The following DYNC2H1 variants were observed in gnomAD, a reference collection of about 807,000 sequenced individuals.
DYNC2H1 encodes dynein cytoplasmic 2 heavy chain 1, also known as cytoplasmic dynein 2 heavy chain 1.
A neutral mutation model predicts 570.0 loss-of-function variants in DYNC2H1; 410 were observed. The observed-to-expected ratio is 0.72, with a 90% CI of 0.66 to 0.78. DYNC2H1 has a LOEUF of 0.78. DYNC2H1 is among the 30% of genes least tolerant of loss of function. The probability of loss-of-function intolerance (pLI) is 0.00; values close to 1 mark genes in which losing one functional copy is unlikely to be tolerated. For synonymous variants in DYNC2H1, 1,688 were observed against 1,677.6 expected (o/e 1.01, Z -0.15); for missense variants, 4,865 against 5,046.4 (o/e 0.96, Z 1.09).
chr11:103,205,155 A>G lies in DYNC2H1; in HGVS notation c.8454+191A>G, dbSNP rs1373563422. ...TAGTTGAATGTAGAATTTTAGATTG[A>G]GGATCATGTTCTTAATTAAGGACCC... On this transcript the variant is annotated intron_variant, in intron 52 of 88. Coordinates refer to ENST00000375735, the MANE Select transcript of DYNC2H1 (RefSeq NM_001377.3). The surrounding 1 kb of genome is among the most constrained non-coding windows in gnomAD (Gnocchi z 4.5). Among the ~76,000 whole-genome samples, 2 of 152,106 alleles carry G rather than the reference A, an allele frequency of 1.3e-5. No homozygotes were observed. Among genetic ancestry groups the G allele is most frequent in the East Asian group, 3.8e-4 (2 of 5,198 alleles).
chr11:103,432,140 G>A (rs180753701), intron 84 of DYNC2H1, among the ~76,000 whole-genome samples: 45 of 152,128 alleles, frequency 3.0e-4, no homozygotes, highest in African/African-American at 1.0e-3. Context: ...GCTCATCATC[G>A]CTGGTTGTCA....
chr11:103,451,351 T>G (rs988211328), intron 85 of DYNC2H1, among the ~76,000 whole-genome samples: 42 of 124,166 alleles, frequency 3.4e-4, no homozygotes, highest in African/African-American at 1.2e-3. Flanking sequence ...TTTTTTTTTT[T>G]GAGATGGAGT....
intron 75 of DYNC2H1, among the ~76,000 whole-genome samples, chr11:103,296,238 C>A (rs926484425): frequency 1.3e-5 from 2 of 152,022 alleles, no homozygotes; most frequent in Admixed American, 6.6e-5. Flanking sequence ...ATTTGATGTT[C>A]CTGAAGGGGA....
intron 16 of DYNC2H1, 36 bp downstream of exon 16, chr11:103,135,670 T>C (rs1859497693): frequency 6.2e-7 from 1 of 1,607,068 alleles, no homozygotes; most frequent in Non-Finnish European, 8.5e-7. Context: ...TAATGTTCAT[T>C]GTATAATTTT....
chr11:103,168,356 A>T (rs1011577646), intron 31 of DYNC2H1, among the ~76,000 whole-genome samples: 2 of 152,150 alleles, frequency 1.3e-5, no homozygotes, highest in African/African-American at 4.8e-5. Flanking sequence ...TAAATCCACC[A>T]CTGGTTTGGT....
chr11:103,307,291 T>A (rs563992127), intron 77 of DYNC2H1, among the ~76,000 whole-genome samples: 2 of 152,260 alleles, frequency 1.3e-5, no homozygotes, highest in African/African-American at 2.4e-5. Context: ...GAAGCATGAA[T>A]TAAAGCAGTG....
intron 87 of DYNC2H1, among the ~76,000 whole-genome samples, chr11:103,457,104 G>C (rs1329042895): frequency 6.6e-6 from 1 of 152,150 alleles, no homozygotes; most frequent in African/African-American, 2.4e-5. Flanking sequence ...TTTGTTCATT[G>C]TAACATTTTG....
At chr11:103,331,662 G>C (rs1019215913) in intron 82 of DYNC2H1, among the ~76,000 whole-genome samples, 1 of 152,090 alleles carries the variant, frequency 6.6e-6, no homozygotes, top group Non-Finnish European at 1.5e-5. Flanking sequence ...GCAAGAAAAG[G>C]TACCACTCCA....
intron 83 of DYNC2H1, among the ~76,000 whole-genome samples, chr11:103,367,232 A>T (rs772412566): frequency 2.6e-5 from 4 of 152,044 alleles, no homozygotes; most frequent in South Asian, 2.1e-4. Context: ...TGAGTTTTTT[A>T]AAAAATGTAT....
Position 103,456,256 on chromosome 11 carries a change from T to G in DYNC2H1, c.12567-19T>G. 1 of 1,584,118 alleles carries G rather than the reference T, an allele frequency of 6.3e-7. No individual in the cohort carries two copies. Among genetic ancestry groups the G allele is most frequent in the Non-Finnish European group, 8.6e-7 (1 of 1,160,132 alleles). On this transcript the variant is annotated intron_variant, in intron 86 of 88. Coordinates refer to ENST00000375735, the MANE Select transcript of DYNC2H1 (RefSeq NM_001377.3). ...CCTAAGGATTATTGATTTGTGACTT[T>G]GATGCTTTACCTTTACAGGGCAGTG... is the stretch of plus-strand genomic sequence containing the variant.
At chr11:103,360,824 C>T (rs895487779) in intron 83 of DYNC2H1, among the ~76,000 whole-genome samples, 4 of 152,052 alleles carry the variant, frequency 2.6e-5, no homozygotes, top group African/African-American at 9.7e-5. Context: ...TATATTATTA[C>T]AAATTATTGC....
intron 82 of DYNC2H1, among the ~76,000 whole-genome samples, chr11:103,329,562 T>C (rs1256832577): frequency 1.3e-5 from 2 of 152,132 alleles, no homozygotes; most frequent in African/African-American, 4.8e-5. Context: ...ATGTAAGTAA[T>C]CTAATGTGAA....
rs1195533135 is a variant in DYNC2H1, at chr11:103,316,533, G to T, written c.11650-12G>T. ...GCTTAGTTGTTTACTTAAAAAAATT[G>T]TTTTTTGACAGGGTTGGACAAAGTT... On this transcript the variant is annotated splice_polypyrimidine_tract_variant and intron_variant, in intron 79 of 88. Transcript: ENST00000375735. 5.2e-6 allele frequency: 8 copies of T among 1,533,942 alleles called. No individual in the cohort carries two copies. Among genetic ancestry groups the T allele is most frequent in the Non-Finnish European group, 7.0e-6 (8 of 1,140,974 alleles).
intron 6 of DYNC2H1, among the ~76,000 whole-genome samples, chr11:103,118,708 G>A (rs1475136673): frequency 1.3e-5 from 2 of 152,172 alleles, no homozygotes; most frequent in African/African-American, 4.8e-5. Context: ...GAATGAGGTT[G>A]CAGACAAGGT....
At chr11:103,283,390 G>A (rs1382111696) in intron 73 of DYNC2H1, among the ~76,000 whole-genome samples, 4 of 152,232 alleles carry the variant, frequency 2.6e-5, no homozygotes, top group Admixed American at 2.6e-4. Flanking sequence ...CAGTTTAGAA[G>A]CTTAACTCTC....
At chr11:103,388,751 A>T (rs965197724) in intron 83 of DYNC2H1, among the ~76,000 whole-genome samples, 3 of 152,106 alleles carry the variant, frequency 2.0e-5, no homozygotes, top group Admixed American at 1.3e-4. Context: ...GTATCTATTG[A>T]GGTGATAATA....
At position 103,129,010 on chromosome 11, in the gene DYNC2H1, A is replaced by G; in HGVS notation, c.1953+5A>G. 6.3e-7 allele frequency: 1 copy of G among 1,592,404 alleles called. No homozygotes were observed. The highest frequency in any genetic ancestry group is 8.6e-7 in the Non-Finnish European group (1 of 1,168,812). On this transcript the variant is annotated splice_donor_5th_base_variant and intron_variant, in intron 13 of 88. Coordinates refer to ENST00000375735, the MANE Select transcript of DYNC2H1 (RefSeq NM_001377.3). The surrounding 1 kb of genome is among the most constrained non-coding windows in gnomAD (Gnocchi z 4.1). The stretch of plus-strand genomic sequence containing the variant: ...GCATTTGAACAGATAATTAAGGTAA[A>G]TGGGCTTTTAATTTTATTATAATTA...
chr11:103,247,138 G>C (rs1322016424), intron 65 of DYNC2H1, among the ~76,000 whole-genome samples: 1 of 151,926 alleles, frequency 6.6e-6, no homozygotes, highest in Non-Finnish European at 1.5e-5. Flanking sequence ...GGAGAGGCTA[G>C]TGTAGTTGGC....
Position 103,151,436 on chromosome 11 carries a change from A to G in DYNC2H1, c.2947-700A>G, listed in dbSNP as rs1158254821. 6.6e-6 allele frequency among the ~76,000 whole-genome samples: 1 copy of G among 152,140 alleles called. No individual in the cohort carries two copies. Among genetic ancestry groups the G allele is most frequent in the South Asian group, 2.1e-4 (1 of 4,818 alleles). ...GTTGTCTGTTTTATTATATATGCAT[A>G]CTGATATTTAAAAATGTTTAAATGG... is the stretch of plus-strand genomic sequence containing the variant. On this transcript the variant is annotated intron_variant, in intron 20 of 88. Transcript: ENST00000375735. The surrounding 1 kb of genome is among the most constrained non-coding windows in gnomAD (Gnocchi z 4.6).
Sources: gnomAD v4.1 joint callset for allele counts (sites outside exome capture counted in the v4.1 genomes callset) on GRCh38, gnomAD v4.1.1 for gene constraint, Gnocchi (gnomAD v3.1) non-coding constraint, MANE v1.5 for transcripts, NCBI Gene and HGNC (gene_info 2026-07-23, HGNC 2026-07-21) for gene names.